SLAMF9: variants seen among roughly 807,000 people sequenced by gnomAD.
SLAMF9 encodes CD2 family member 10.
In SLAMF9, 25 loss-of-function variants were observed where a neutral mutation model predicts 30.4. The observed-to-expected ratio is 0.82, with a 90% CI of 0.60 to 1.15. SLAMF9 has a LOEUF of 1.15. SLAMF9 is among the 50% of genes most tolerant of loss of function. The pLI is 0.00. For synonymous variants in SLAMF9, 129 were observed against 127.2 expected (o/e 1.01, Z -0.09); for missense variants, 344 against 346.1 (o/e 0.99, Z 0.05).
chr1:159,968,134 C>T, the SLAMF9 span, among the ~76,000 whole-genome samples: 4 of 152,178 alleles, frequency 2.6e-5, no homozygotes, highest in Admixed American at 1.3e-4. Flanking sequence ...TCAAGAACTA[C>T]GTTGAAAACG....
chr1:159,964,675 C>T, the SLAMF9 span, among the ~76,000 whole-genome samples: 2 of 152,150 alleles, frequency 1.3e-5, no homozygotes, highest in Non-Finnish European at 2.9e-5. Context: ...CACAGTTTAA[C>T]GGCAAACCTG....
At chr1:159,956,077 A>G (rs543213016), upstream of SLAMF9, among the ~76,000 whole-genome samples, 37 of 152,360 alleles carry the variant, frequency 2.4e-4, no homozygotes, top group Admixed American at 5.9e-4. Context: ...ACTATTCACT[A>G]GAGCCAACAT....
chr1:159,953,609 C>T lies in SLAMF9; in HGVS notation c.91G>A (p.Val31Ile). 1 of 1,612,242 alleles carries T rather than the reference C, an allele frequency of 6.2e-7. No individual in the cohort carries two copies. The highest frequency in any genetic ancestry group is 8.5e-7 in the Non-Finnish European group (1 of 1,178,788). ...LWRWCGSEEV[V>I]AVLQESISLP... The stretch of plus-strand genomic sequence containing the variant: ...CTGATGGACTCCTGAAGGACCGCAA[C>T]CACTTCCTCGGATCCACACCATCTC... The change falls in exon 2 of 4, where the codon GTT becomes ATT. Residue 31 changes from valine (V) to isoleucine (I), a missense_variant. Transcript: ENST00000368093.
the SLAMF9 span, among the ~76,000 whole-genome samples, chr1:159,967,476 G>A: frequency 6.6e-6 from 1 of 152,110 alleles, no homozygotes; most frequent in Non-Finnish European, 1.5e-5. Context: ...TGATGGATCT[G>A]TTTTTATGCC....
the SLAMF9 span, among the ~76,000 whole-genome samples, chr1:159,959,339 C>T: frequency 6.6e-6 from 1 of 152,020 alleles, no homozygotes; most frequent in Non-Finnish European, 1.5e-5. Context: ...TCTGGGTGGT[C>T]CTTTGCAACT....
chr1:159,974,202 C>T, the SLAMF9 span: 1 of 648,386 alleles, frequency 1.5e-6, no homozygotes, highest in South Asian at 1.9e-5. Context: ...TGTCTCCAGT[C>T]CTTCATGCTG....
the SLAMF9 span, among the ~76,000 whole-genome samples, chr1:159,965,186 T>A: frequency 6.6e-6 from 1 of 152,190 alleles, no homozygotes. Context: ...TACATTATTG[T>A]CAGAGTCAAG....
upstream of SLAMF9, among the ~76,000 whole-genome samples, chr1:159,957,673 A>G (rs997366923): frequency 2.6e-5 from 4 of 152,258 alleles, no homozygotes; most frequent in African/African-American, 9.6e-5. Flanking sequence ...CCACAAAAAA[A>G]GATAGTTGTA....
At chr1:159,975,087 C>T in the SLAMF9 span, among the ~76,000 whole-genome samples, 1 of 152,192 alleles carries the variant, frequency 6.6e-6, no homozygotes. Flanking sequence ...TCTCAGTACT[C>T]ATATGTACGT....
chr1:159,963,185 A>T, the SLAMF9 span, among the ~76,000 whole-genome samples: 1 of 152,224 alleles, frequency 6.6e-6, no homozygotes, highest in Non-Finnish European at 1.5e-5. Flanking sequence ...GAGTTGGCAC[A>T]TGGTGAGGGC....
chr1:159,965,646 G>A, the SLAMF9 span: 1 of 152,064 alleles, frequency 6.6e-6, no homozygotes, highest in Non-Finnish European at 1.5e-5. Context: ...TTCTAATAAG[G>A]TATGTACCTT....
chr1:159,965,917 A>C, the SLAMF9 span, among the ~76,000 whole-genome samples: 1 of 152,266 alleles, frequency 6.6e-6, no homozygotes. Context: ...GATTAAATCA[A>C]GCTAATTAAC....
At chr1:159,953,249 GGT>G in intron 2 of SLAMF9, 58 bp downstream of exon 2, 1 of 1,411,050 alleles carries the variant, frequency 7.1e-7, no homozygotes, top group Non-Finnish European at 9.8e-7. Flanking sequence ...CCCACTCCAT[GGT>G]GTGAGAAGCT....
At chr1:159,961,719 G>C in the SLAMF9 span, among the ~76,000 whole-genome samples, 1 of 152,264 alleles carries the variant, frequency 6.6e-6, no homozygotes, top group East Asian at 1.9e-4. Context: ...GGAGAGAGCT[G>C]GGCACACTGA....
At chr1:159,952,628 T>A in intron 2 of SLAMF9, 94 bp from the exon 3 acceptor site, 11 of 1,315,404 alleles carry the variant, frequency 8.4e-6, no homozygotes, top group Non-Finnish European at 1.2e-5. Context: ...ATGCTACCCC[T>A]TGACAGCCCC....
chr1:159,973,259 C>CCTG, the SLAMF9 span: 1 of 838,704 alleles, frequency 1.2e-6, no homozygotes, highest in Non-Finnish European at 2.0e-6. Context: ...GGGCGACACT[C>CCTG]AGTACAGGAG....
At chr1:159,981,742 C>T in the SLAMF9 span, among the ~76,000 whole-genome samples, 1 of 152,362 alleles carries the variant, frequency 6.6e-6, no homozygotes, top group Non-Finnish European at 1.5e-5. Flanking sequence ...CACACTGCCC[C>T]ATGCTGCTCC....
the SLAMF9 span, among the ~76,000 whole-genome samples, chr1:159,964,807 C>G: frequency 6.6e-6 from 1 of 152,166 alleles, no homozygotes; most frequent in Non-Finnish European, 1.5e-5. Flanking sequence ...TTATTGTCAT[C>G]ATCAATAATG....
At chr1:159,972,962 C>T in the SLAMF9 span, 4 of 1,178,456 alleles carry the variant, frequency 3.4e-6, no homozygotes, top group Middle Eastern at 3.0e-4. Context: ...GATGCCCAGA[C>T]CCCTGGGGGC....
Sources: gnomAD v4.1 joint callset for allele counts (sites outside exome capture counted in the v4.1 genomes callset) on GRCh38, gnomAD v4.1.1 for gene constraint, MANE v1.5 for transcripts, NCBI Gene and HGNC (gene_info 2026-07-23, HGNC 2026-07-21) for gene names.